The following REV1 variants were observed in gnomAD, a reference collection of about 807,000 sequenced individuals.
REV1 encodes translesion synthesis protein REV1.
In REV1, 42 loss-of-function variants were observed where a neutral mutation model predicts 137.4. The ratio of observed to expected loss-of-function variants is 0.31; its 90% CI spans 0.24 to 0.40. The LOEUF (loss-of-function observed/expected upper bound fraction) is 0.40. REV1 is among the 10% of genes least tolerant of loss of function. The pLI, the probability that REV1 is intolerant of heterozygous loss-of-function variation, is 1.00. For missense variants in REV1, 1,282 were observed against 1,490.1 expected (o/e 0.86, Z 2.30); for synonymous variants, 524 against 519.2 (o/e 1.01, Z -0.12).
intron 4 of REV1, among the ~76,000 whole-genome samples, chr2:99,446,670 T>C (rs1682261110): frequency 6.6e-6 from 1 of 152,096 alleles, no homozygotes; most frequent in Non-Finnish European, 1.5e-5. Flanking sequence ...AATTTTTGTA[T>C]TTTTAGTAGA....
rs1447953487 is a variant in REV1, at chr2:99,404,662, A to T, written c.2827T>A (p.Leu943Ile). ...CGGAGATCAGGTGGAAGTGCTTCTA[A>T]AACAGACTGATCCAGCTATAAAATG... ...PSPSQLDQSV[L>I]EALPPDLREQ... Residue 943 changes from leucine to isoleucine, a missense_variant, in exon 18 of 23, where the codon TTA (leucine) becomes ATA (isoleucine). Coordinates refer to ENST00000258428, the MANE Select transcript of REV1 (RefSeq NM_016316.4). The T allele has an allele frequency of 1.2e-6, 2 of 1,611,024 alleles. No individual in the cohort carries two copies. Among genetic ancestry groups the T allele is most frequent in the East Asian group, 4.5e-5 (2 of 44,864 alleles).
chr2:99,416,454 A>C (rs546997327), intron 12 of REV1, among the ~76,000 whole-genome samples: 46 of 152,356 alleles, frequency 3.0e-4, no homozygotes, highest in African/African-American at 1.1e-3. Flanking sequence ...GTTCTATAAC[A>C]GTCAGGTTAA....
chr2:99,406,210 A>G, intron 16 of REV1, 104 bp from the exon 17 acceptor site: 1 of 1,403,806 alleles, frequency 7.1e-7, no homozygotes, highest in Non-Finnish European at 9.6e-7. Flanking sequence ...ATTCATCATA[A>G]TGAAGAATAT....
chr2:99,439,993 T>G (rs28382879), intron 5 of REV1, among the ~76,000 whole-genome samples: 1 of 152,168 alleles, frequency 6.6e-6, no homozygotes, highest in Non-Finnish European at 1.5e-5. Flanking sequence ...TGTCAATGTG[T>G]GGGGGTAATT....
chr2:99,404,529 C>G lies in REV1; in HGVS notation c.2960G>C (p.Gly987Ala). 1 of 1,614,096 alleles carries G rather than the reference C, an allele frequency of 6.2e-7. No individual in the cohort carries two copies. The highest frequency in any genetic ancestry group is 8.5e-7 in the Non-Finnish European group (1 of 1,180,016). ...TTCTGGTATTTGCAACAAGACTGTC[C>G]CAACTGGTTGTGGCAAAATTCCTGT... Reference protein sequence around the residue: ...CNTGILPQPVGTVLLQIPEPQ... With the variant: ...CNTGILPQPVATVLLQIPEPQ... The change falls in exon 18 of 23, where the codon GGG becomes GCG. Residue 987 changes from glycine (G) to alanine (A), a missense_variant. Transcript: ENST00000258428.
chr2:99,404,321 C>A (rs71413836), intron 18 of REV1, 123 bp downstream of exon 18: 3 of 716,852 alleles, frequency 4.2e-6, no homozygotes, highest in Non-Finnish European at 4.6e-6. Flanking sequence ...CTCCCCTCCC[C>A]TCCCCTCCCC....
chr2:99,428,178 C>T (rs1679631635), intron 9 of REV1, among the ~76,000 whole-genome samples: 1 of 152,184 alleles, frequency 6.6e-6, no homozygotes. Context: ...ATTTTACCAA[C>T]TAGCGAAATT....
intron 1 of REV1, among the ~76,000 whole-genome samples, chr2:99,470,893 G>A (rs186222105): frequency 2.6e-5 from 4 of 152,230 alleles, no homozygotes; most frequent in Non-Finnish European, 1.5e-5. Context: ...GCCTTGCTGA[G>A]GAAATTAAAT....
intron 9 of REV1, 22 bp downstream of exon 9, chr2:99,429,818 G>T: frequency 2.2e-6 from 3 of 1,361,462 alleles, no homozygotes; most frequent in South Asian, 1.3e-5. Context: ...ATTAAGAATT[G>T]TAACACACAA....
chr2:99,433,059 G>A (rs1475371015), intron 8 of REV1, among the ~76,000 whole-genome samples: 1 of 152,108 alleles, frequency 6.6e-6, no homozygotes, highest in African/African-American at 2.4e-5. Context: ...TCTTCTTTCA[G>A]CATTCTTTAG....
At chr2:99,489,312 C>A (rs968990256) in intron 1 of REV1, among the ~76,000 whole-genome samples, 5 of 152,110 alleles carry the variant, frequency 3.3e-5, no homozygotes, top group Non-Finnish European at 7.4e-5. Context: ...GGCTGGAGTG[C>A]GGGTGGGAGC....
chr2:99,489,404 G>A (rs956817643), intron 1 of REV1, among the ~76,000 whole-genome samples: 2 of 152,042 alleles, frequency 1.3e-5, no homozygotes, highest in Non-Finnish European at 2.9e-5. Context: ...GCGCGGAACT[G>A]AATGGCCGGC....
intron 1 of REV1, among the ~76,000 whole-genome samples, chr2:99,474,818 C>T (rs572835861): frequency 1.3e-5 from 2 of 152,198 alleles, no homozygotes; most frequent in African/African-American, 2.4e-5. Flanking sequence ...ACGACAATCA[C>T]TTGAACGCGG....
chr2:99,444,760 T>C (rs971296388), intron 4 of REV1, among the ~76,000 whole-genome samples: 3 of 152,208 alleles, frequency 2.0e-5, no homozygotes, highest in Non-Finnish European at 2.9e-5. Context: ...TCTATAGATA[T>C]ATAGACAGAA....
intron 3 of REV1, among the ~76,000 whole-genome samples, chr2:99,459,831 T>G (rs557852308): frequency 6.6e-6 from 1 of 152,084 alleles, no homozygotes; most frequent in African/African-American, 2.4e-5. Flanking sequence ...TATTAGAGGG[T>G]CTTCCCTCCA....
chr2:99,451,319 C>A, intron 3 of REV1: 1 of 1,177,608 alleles, frequency 8.5e-7, no homozygotes, highest in Non-Finnish European at 1.1e-6. Flanking sequence ...ATTAACTTTC[C>A]ATATACATAC....
intron 1 of REV1, among the ~76,000 whole-genome samples, chr2:99,468,254 G>A (rs1184899520): frequency 6.6e-6 from 1 of 151,790 alleles, no homozygotes; most frequent in Non-Finnish European, 1.5e-5. Flanking sequence ...AGGGATCTTC[G>A]AAAAAGAGAC....
chr2:99,427,896 T>C (rs1415845182), intron 9 of REV1, among the ~76,000 whole-genome samples: 1 of 152,186 alleles, frequency 6.6e-6, no homozygotes, highest in Non-Finnish European at 1.5e-5. Flanking sequence ...ACCCCAATTA[T>C]TTTGCAAGGC....
At chr2:99,430,497 T>A (rs1284914674) in intron 8 of REV1, among the ~76,000 whole-genome samples, 4 of 152,182 alleles carry the variant, frequency 2.6e-5, no homozygotes, top group Admixed American at 6.5e-5. Flanking sequence ...AGAGGTTTCA[T>A]CCTAAATTCA....
Sources: allele counts gnomAD v4.1 joint callset (sites outside exome capture counted in the v4.1 genomes callset), GRCh38; gene constraint gnomAD v4.1.1; transcripts MANE v1.5; gene names NCBI Gene and HGNC (gene_info 2026-07-23, HGNC 2026-07-21).